Variants in PIGP observed in about 807,000 individuals in gnomAD.
PIGP encodes the protein phosphatidylinositol N-acetylglucosaminyltransferase subunit P.
A neutral mutation model predicts 16.9 loss-of-function variants in PIGP; 12 were observed. The observed-to-expected ratio is 0.71, with a 90% CI of 0.46 to 1.15. The LOEUF (loss-of-function observed/expected upper bound fraction) is 1.15. PIGP is among the 50% of genes most tolerant of loss of function. The pLI is 0.00. For missense variants in PIGP, 159 were observed against 153.5 expected, an observed-to-expected ratio of 1.04 and a Z score of -0.19; for synonymous variants, 57 against 54.7, an observed-to-expected ratio of 1.04 and a Z score of -0.18.
At position 37,071,172 on chromosome 21, in the gene PIGP, A is replaced by G. The variant is rs566963168; in HGVS notation, c.82+1262T>C. 3.3e-5 allele frequency among the ~76,000 whole-genome samples: 5 copies of G among 152,332 alleles called. No individual in the cohort carries two copies. In the South Asian group the frequency reaches 1.0e-3, roughly 32 times the overall value. On this transcript the variant is annotated intron_variant, in intron 2 of 4. Transcript: ENST00000360525. The stretch of plus-strand genomic sequence containing the variant: ...GCTAACAATAACATCAGTAGCTAAC[A>G]CTTATTAAGTCCCTAACTGTTCCTA...
At position 37,065,579 on chromosome 21, in the gene PIGP, A is replaced by G; in HGVS notation, c.*3T>C. ...GCTTGGTGTTACTATGGTTACACAC[A>G]GTTCAGTTTTTGGTGTAAAGTTCTT... On this transcript the variant is annotated 3_prime_UTR_variant, in exon 5 of 5. Coordinates refer to ENST00000360525, the MANE Select transcript of PIGP (RefSeq NM_153682.3). 1 of 1,612,460 alleles carries G rather than the reference A, an allele frequency of 6.2e-7. No homozygotes were observed. The highest frequency in any genetic ancestry group is 8.5e-7 in the Non-Finnish European group (1 of 1,179,352).
chr21:37,072,323 C>T lies in PIGP; in HGVS notation c.82+111G>A. On this transcript the variant is annotated intron_variant, in intron 2 of 4. Transcript: ENST00000360525. ...CCCTTCAGATTTTCTTAAAAAGAGA[C>T]ATAGGGAGAAAGAATCAACAGTTCA... 8 of 1,597,266 alleles carry T rather than the reference C, an allele frequency of 5.0e-6. No homozygotes were observed. In the South Asian group the frequency reaches 6.8e-5, roughly 14 times the overall value.
intron 4 of PIGP, among the ~76,000 whole-genome samples, chr21:37,066,971 C>CGT (rs56940945): frequency 0.092 from 13,143 of 143,456 alleles, 580 homozygotes; most frequent in Middle Eastern, 0.11. Flanking sequence ...TTTTACTGTC[C>CGT]GTGTGTGTGT....
chr21:37,065,651 T>G lies in PIGP; in HGVS notation c.336A>C (p.Arg112Ser), dbSNP rs2276231. 14,159 of 1,613,272 alleles carry G rather than the reference T, an allele frequency of 8.8e-3. 811 individuals are homozygous for G. In the Admixed American group the frequency reaches 0.14, roughly 16 times the overall value. The change falls in exon 5 of 5, where the codon AGA (arginine) becomes AGC (serine). Residue 112 changes from arginine to serine, a missense_variant. Transcript: ENST00000360525. The part of the protein sequence containing the change: ...KYQEEAIPAL[R>S]DISISEVNQM... ...GGTTTACTTCACTAATAGAAATATC[T>G]CTTAAGGCTGGAATGGCCTCCTCTT...
intron 2 of PIGP, chr21:37,072,224 C>A: frequency 6.2e-7 from 1 of 1,610,704 alleles, no homozygotes; most frequent in South Asian, 1.1e-5. Flanking sequence ...GCGTCTGGTG[C>A]TGTATAAATA....
chr21:37,067,253 T>C lies in PIGP; in HGVS notation c.274+9A>G, dbSNP rs1170812812. On this transcript the variant is annotated intron_variant, in intron 4 of 4. Transcript: ENST00000360525. ...ATTGCCCCAGCACTTTCCTTTTATA[T>C]AAAGTTACCTGTGATTGTATGGATG... is the stretch of plus-strand genomic sequence containing the variant. 3.4e-6 allele frequency: 5 copies of C among 1,475,434 alleles called. No homozygotes were observed. The highest frequency in any genetic ancestry group is 1.7e-5 in the Admixed American group (1 of 59,516). 91.4% of individuals were successfully genotyped at this position (1,475,434 alleles called of 1,614,324 possible).
chr21:37,071,919 A>T (rs1231904866), intron 2 of PIGP, among the ~76,000 whole-genome samples: 4 of 152,186 alleles, frequency 2.6e-5, no homozygotes, highest in South Asian at 4.1e-4. Context: ...TGTTCCCCAG[A>T]TCCCGCAGGG....
chr21:37,071,214 C>T (rs1357226416), intron 2 of PIGP, among the ~76,000 whole-genome samples: 1 of 152,196 alleles, frequency 6.6e-6, no homozygotes, highest in Non-Finnish European at 1.5e-5. Context: ...ATTTTACGTG[C>T]TTTACATAAA....
chr21:37,068,885 T>C (rs2069951397), intron 3 of PIGP, among the ~76,000 whole-genome samples: 1 of 152,234 alleles, frequency 6.6e-6, no homozygotes. Context: ...GATTTTCACT[T>C]ACTTCCCTGT....
chr21:37,072,657 C>A, intron 1 of PIGP, 120 bp from the exon 2 acceptor site: 1 of 1,547,810 alleles, frequency 6.5e-7, no homozygotes, highest in Non-Finnish European at 8.8e-7. Flanking sequence ...TCCCGCGCCT[C>A]CGTCCGCAAC....
At chr21:37,065,765 C>T in intron 4 of PIGP, 53 bp from the exon 5 acceptor site, 1 of 1,564,686 alleles carries the variant, frequency 6.4e-7, no homozygotes, top group Non-Finnish European at 8.8e-7. Flanking sequence ...CTTCTACAGT[C>T]TCTGTGTCTG....
chr21:37,072,670 G>A (rs1601137910), intron 1 of PIGP, 133 bp from the exon 2 acceptor site: 1 of 1,502,250 alleles, frequency 6.7e-7, no homozygotes, highest in South Asian at 1.2e-5. Context: ...TCCGCAACCC[G>A]CGCCCCCGCC....
At chr21:37,072,642 C>T in intron 1 of PIGP, 105 bp from the exon 2 acceptor site, 25 of 1,582,870 alleles carry the variant, frequency 1.6e-5, no homozygotes, top group Non-Finnish European at 2.2e-5. Flanking sequence ...CCGCGCAGAA[C>T]CGCCTCCCGC....
intron 2 of PIGP, among the ~76,000 whole-genome samples, chr21:37,070,895 T>C (rs1349008380): frequency 4.6e-5 from 7 of 152,216 alleles, no homozygotes; most frequent in Non-Finnish European, 1.5e-5. Context: ...CCCGAGTAGC[T>C]GGAGTTACAG....
At chr21:37,072,674 C>G in intron 1 of PIGP, 137 bp from the exon 2 acceptor site, 1 of 1,489,552 alleles carries the variant, frequency 6.7e-7, no homozygotes, top group Non-Finnish European at 9.2e-7. Context: ...CAACCCGCGC[C>G]CCCGCCTCGA....
chr21:37,065,695 G>A lies in PIGP; in HGVS notation c.292C>T (p.Gln98Ter), dbSNP rs748893891. The change falls in exon 5 of 5, where the codon CAA becomes TAA. Residue 98 changes from glutamine to a stop codon, truncating the protein, a stop_gained. Coordinates refer to ENST00000360525, the MANE Select transcript of PIGP (RefSeq NM_153682.3). LOFTEE classifies it high-confidence loss of function. ...TCCTCTTGGTATTTCTTCTGCTGTTGATTTTTTGCATAGTTATCTGTAAGA... is the reference window on the plus strand; with the variant it reads ...TCCTCTTGGTATTTCTTCTGCTGTTAATTTTTTGCATAGTTATCTGTAAGA... ...HTITDNYAKN[Q>*]QQKKYQEEAI... 30 of 1,612,774 alleles carry A rather than the reference G, an allele frequency of 1.9e-5. No individual in the cohort carries two copies. The highest frequency in any genetic ancestry group is 8.4e-5 in the Admixed American group (5 of 59,836).
At chr21:37,065,853 A>C (rs535736859) in intron 4 of PIGP, 141 bp from the exon 5 acceptor site, 3 of 630,086 alleles carry the variant, frequency 4.8e-6, no homozygotes, top group Non-Finnish European at 8.1e-6. Context: ...TTAGATGATT[A>C]CTTAAATCCT....
intron 4 of PIGP, 127 bp downstream of exon 4, chr21:37,067,135 T>G: frequency 1.6e-6 from 1 of 639,584 alleles, no homozygotes; most frequent in South Asian, 1.8e-5. Context: ...GCCTCCCAAG[T>G]AGCTGGGATT....
intron 4 of PIGP, 143 bp from the exon 5 acceptor site, chr21:37,065,855 T>TAATCATC: frequency 3.2e-6 from 2 of 623,190 alleles, no homozygotes; most frequent in Non-Finnish European, 5.5e-6. Flanking sequence ...AGATGATTAC[T>TAATCATC]TAAATCCTCT....
Sources: allele counts gnomAD v4.1 joint callset (sites outside exome capture counted in the v4.1 genomes callset), GRCh38; gene constraint gnomAD v4.1.1; transcripts MANE v1.5; gene names NCBI Gene and HGNC (gene_info 2026-07-23, HGNC 2026-07-21).